Variants in OSBPL1A observed in about 807,000 individuals in gnomAD.
OSBPL1A encodes oxysterol binding protein like 1A, also known as oxysterol-binding protein-related protein 1.
In OSBPL1A, 80 loss-of-function variants were observed where a neutral mutation model predicts 137.1. The observed-to-expected ratio is 0.58, with a 90% confidence interval of 0.49 to 0.70. The LOEUF (loss-of-function observed/expected upper bound fraction) is 0.70, where lower values mean the gene tolerates loss of function less well. Ranked by LOEUF, OSBPL1A falls within the 30% of genes least tolerant of loss-of-function variation. OSBPL1A has a pLI of 0.00. For missense variants in OSBPL1A, 970 were observed against 1,129.4 expected (o/e 0.86, Z 2.02); for synonymous variants, 365 against 389.7 (o/e 0.94, Z 0.75).
chr18:24,305,495 G>A (rs1362535617), intron 13 of OSBPL1A, among the ~76,000 whole-genome samples: 2 of 152,122 alleles, frequency 1.3e-5, no homozygotes, highest in African/African-American at 4.8e-5. Flanking sequence ...AAAAGAAGAG[G>A]TTATTAATAT....
intron 17 of OSBPL1A, among the ~76,000 whole-genome samples, chr18:24,200,338 T>G (rs1400719257): frequency 1.3e-5 from 2 of 151,396 alleles, no homozygotes; most frequent in Admixed American, 6.6e-5. Context: ...CTGAGGCGGG[T>G]GGATCACAAG....
chr18:24,302,429 T>A (rs1427694371), intron 14 of OSBPL1A: 1 of 151,868 alleles, frequency 6.6e-6, no homozygotes, highest in Non-Finnish European at 1.5e-5. Flanking sequence ...GGCTATTTAT[T>A]TTTCTTTTTT....
chr18:24,168,800 G>A (rs542676813), intron 24 of OSBPL1A, among the ~76,000 whole-genome samples: 1 of 152,334 alleles, frequency 6.6e-6, no homozygotes, highest in East Asian at 1.9e-4. Flanking sequence ...CAGAAAAGCA[G>A]TGGATGTGTG....
intron 6 of OSBPL1A, 113 bp from the exon 7 acceptor site, chr18:24,333,199 T>TC (rs781368557): frequency 5.0e-6 from 6 of 1,190,344 alleles, no homozygotes; most frequent in Non-Finnish European, 7.1e-6. Context: ...CTCCTTGGCA[T>TC]CCAGGCTGTT....
intron 3 of OSBPL1A, among the ~76,000 whole-genome samples, chr18:24,367,303 G>A (rs1054626229): frequency 6.6e-6 from 1 of 151,684 alleles, no homozygotes; most frequent in African/African-American, 2.4e-5. Flanking sequence ...AAATCTACCT[G>A]ATAGGTAGAA....
chr18:24,224,838 A>G (rs2088015373), intron 17 of OSBPL1A, among the ~76,000 whole-genome samples: 1 of 152,262 alleles, frequency 6.6e-6, no homozygotes, highest in South Asian at 2.1e-4. Context: ...TGCTAAGCCC[A>G]TGTGCTCTGT....
chr18:24,282,788 C>CAGA (rs1253147222), intron 14 of OSBPL1A, among the ~76,000 whole-genome samples: 1 of 151,990 alleles, frequency 6.6e-6, no homozygotes, highest in Non-Finnish European at 1.5e-5. Flanking sequence ...AAGGTCGGGA[C>CAGA]AGAACAAGAT....
chr18:24,245,249 C>T (rs1168260006), intron 15 of OSBPL1A, among the ~76,000 whole-genome samples: 2 of 152,090 alleles, frequency 1.3e-5, no homozygotes, highest in Non-Finnish European at 2.9e-5. Context: ...GCATGCACCA[C>T]CATGCCTAGC....
At chr18:24,383,936 C>T (rs1024762970) in intron 1 of OSBPL1A, among the ~76,000 whole-genome samples, 5 of 152,086 alleles carry the variant, frequency 3.3e-5, no homozygotes, top group Admixed American at 6.6e-5. Flanking sequence ...ATAAGATGGT[C>T]CCTGCCCTCC....
At chr18:24,375,341 AAGAC>A (rs1906024582) in intron 2 of OSBPL1A, among the ~76,000 whole-genome samples, 1 of 146,196 alleles carries the variant, frequency 6.8e-6, no homozygotes, top group East Asian at 1.9e-4. Context: ...AAAAAAAAAA[AAGAC>A]AGAAGTACCC....
chr18:24,295,610 T>C (rs1024400068), intron 14 of OSBPL1A, among the ~76,000 whole-genome samples: 5 of 152,188 alleles, frequency 3.3e-5, no homozygotes, highest in African/African-American at 1.2e-4. Flanking sequence ...TCCAGTTTCA[T>C]TCTTATACAT....
At chr18:24,200,283 G>A (rs1054773381) in intron 17 of OSBPL1A, among the ~76,000 whole-genome samples, 1 of 152,096 alleles carries the variant, frequency 6.6e-6, no homozygotes, top group Non-Finnish European at 1.5e-5. Flanking sequence ...AAAAAATCAG[G>A]CCGGGCGCCA....
chr18:24,254,582 G>A (rs2089212764), intron 15 of OSBPL1A, among the ~76,000 whole-genome samples: 1 of 152,156 alleles, frequency 6.6e-6, no homozygotes, highest in Admixed American at 6.5e-5. Flanking sequence ...GCTCCTGAAT[G>A]ACCAGTGGGT....
At chr18:24,207,423 T>A (rs1199877668) in intron 17 of OSBPL1A, among the ~76,000 whole-genome samples, 1 of 152,256 alleles carries the variant, frequency 6.6e-6, no homozygotes, top group Non-Finnish European at 1.5e-5. Flanking sequence ...AACCAACTTA[T>A]TTAACACACA....
chr18:24,303,749 A>G, intron 13 of OSBPL1A, 31 bp from the exon 14 acceptor site: 1 of 1,547,944 alleles, frequency 6.5e-7, no homozygotes. Flanking sequence ...AAATTAAAAC[A>G]AAGTAATAAA....
intron 13 of OSBPL1A, 105 bp downstream of exon 13, chr18:24,311,879 G>T: frequency 1.5e-6 from 2 of 1,302,814 alleles, no homozygotes. Context: ...TTCTATTGTT[G>T]TCAGAAATCA....
chr18:24,304,441 C>T (rs2090463010), intron 13 of OSBPL1A, among the ~76,000 whole-genome samples: 1 of 152,108 alleles, frequency 6.6e-6, no homozygotes, highest in African/African-American at 2.4e-5. Flanking sequence ...TTAAAAATGT[C>T]ATTTTGAAGG....
intron 15 of OSBPL1A, among the ~76,000 whole-genome samples, chr18:24,243,163 T>C (rs1391761400): frequency 6.6e-6 from 1 of 152,032 alleles, no homozygotes; most frequent in East Asian, 1.9e-4. Flanking sequence ...GAGGTGGAGG[T>C]TGCAGTGAGC....
intron 4 of OSBPL1A, among the ~76,000 whole-genome samples, chr18:24,352,607 A>G (rs2091461119): frequency 6.6e-6 from 1 of 152,198 alleles, no homozygotes; most frequent in Non-Finnish European, 1.5e-5. Context: ...TGCATTGCCA[A>G]GTCAATCCTA....
Sources: gnomAD v4.1 joint callset for allele counts (sites outside exome capture counted in the v4.1 genomes callset) on GRCh38, gnomAD v4.1.1 for gene constraint, MANE v1.5 for transcripts, NCBI Gene and HGNC (gene_info 2026-07-23, HGNC 2026-07-21) for gene names.